ELAPOR2: variants seen among roughly 807,000 people sequenced by gnomAD.
ELAPOR2 encodes endosome-lysosome associated apoptosis and autophagy regulator family member 2.
Under a neutral mutation model 120.7 loss-of-function variants are expected in ELAPOR2, and 89 were observed. That is an observed-to-expected ratio of 0.74 (90% CI 0.62 to 0.88). The LOEUF is 0.88. Ranked by LOEUF, ELAPOR2 falls within the 40% of genes least tolerant of loss-of-function variation. ELAPOR2 has a pLI of 0.00. For missense variants in ELAPOR2, 1,134 were observed against 1,251.6 expected (o/e 0.91, Z 1.42); for synonymous variants, 444 against 444.9 (o/e 1.00, Z 0.03).
chr7:86,941,401 C>A (rs745614707), intron 5 of ELAPOR2: 8 of 525,028 alleles, frequency 1.5e-5, no homozygotes, highest in Admixed American at 1.2e-4. Flanking sequence ...AGGAAGCAGG[C>A]AGTTACTTTA....
chr7:86,937,348 G>A (rs1284572754), intron 8 of ELAPOR2, among the ~76,000 whole-genome samples: 1 of 152,042 alleles, frequency 6.6e-6, no homozygotes, highest in Non-Finnish European at 1.5e-5. Context: ...TAAATTCCCT[G>A]ACATCTATAT....
chr7:86,989,307 G>A (rs1792861556), intron 1 of ELAPOR2, among the ~76,000 whole-genome samples: 1 of 152,118 alleles, frequency 6.6e-6, no homozygotes, highest in African/African-American at 2.4e-5. Flanking sequence ...CAAAATACGT[G>A]CATATTTAGA....
intron 1 of ELAPOR2, among the ~76,000 whole-genome samples, chr7:87,046,716 G>A (rs1794968789): frequency 6.6e-6 from 1 of 152,150 alleles, no homozygotes; most frequent in Non-Finnish European, 1.5e-5. Context: ...TCTCTCTCCT[G>A]CTGCCTTGTG....
intron 1 of ELAPOR2, among the ~76,000 whole-genome samples, chr7:86,989,242 T>C (rs1171806086): frequency 6.6e-6 from 1 of 152,238 alleles, no homozygotes; most frequent in African/African-American, 2.4e-5. Flanking sequence ...AGGCTGTATG[T>C]GCTAGGCTCC....
chr7:86,936,813 G>A (rs1185146470), intron 8 of ELAPOR2, among the ~76,000 whole-genome samples: 1 of 151,974 alleles, frequency 6.6e-6, no homozygotes, highest in Non-Finnish European at 1.5e-5. Context: ...TATACTCATG[G>A]ATGTAATTAA....
intron 1 of ELAPOR2, among the ~76,000 whole-genome samples, chr7:86,985,283 T>C (rs571036482): frequency 5.3e-4 from 80 of 152,300 alleles, no homozygotes; most frequent in African/African-American, 1.9e-3. Context: ...GCTGGTGCCA[T>C]TCCTTCTGAA....
intron 1 of ELAPOR2, among the ~76,000 whole-genome samples, chr7:87,033,395 A>T (rs1261405228): frequency 6.6e-6 from 1 of 152,232 alleles, no homozygotes; most frequent in Non-Finnish European, 1.5e-5. Context: ...GAAACTAGAT[A>T]CACAATTAAT....
At chr7:87,026,181 G>A (rs1396470883) in intron 1 of ELAPOR2, among the ~76,000 whole-genome samples, 2 of 152,046 alleles carry the variant, frequency 1.3e-5, no homozygotes, top group Non-Finnish European at 2.9e-5. Context: ...TTTCATGGGT[G>A]CAGAGGAAGA....
chr7:87,051,351 A>C (rs1795096999), intron 1 of ELAPOR2, among the ~76,000 whole-genome samples: 2 of 152,194 alleles, frequency 1.3e-5, no homozygotes, highest in African/African-American at 4.8e-5. Context: ...ACAACGTATA[A>C]CTTTTATAGT....
chr7:86,939,692 C>A (rs556013068), intron 6 of ELAPOR2, among the ~76,000 whole-genome samples: 8 of 152,140 alleles, frequency 5.3e-5, no homozygotes, highest in Admixed American at 2.6e-4. Flanking sequence ...ATGTCTGGCA[C>A]AACAGACATT....
chr7:86,889,070 T>A (rs1468131402), intron 21 of ELAPOR2, among the ~76,000 whole-genome samples: 3 of 151,976 alleles, frequency 2.0e-5, no homozygotes, highest in African/African-American at 7.2e-5. Context: ...TTAGAAAAGG[T>A]GGTATAAAAT....
intron 10 of ELAPOR2, among the ~76,000 whole-genome samples, chr7:86,922,511 CTT>C (rs1789876773): frequency 6.6e-6 from 1 of 151,916 alleles, no homozygotes; most frequent in South Asian, 2.1e-4. Context: ...TTTCTTTTCA[CTT>C]TCTTTCAACG....
intron 18 of ELAPOR2, among the ~76,000 whole-genome samples, chr7:86,903,094 C>G (rs1788794946): frequency 6.6e-6 from 1 of 152,198 alleles, no homozygotes; most frequent in Non-Finnish European, 1.5e-5. Context: ...ACTAAATTAA[C>G]TGACATTCCT....
At position 86,880,392 on chromosome 7, in the gene ELAPOR2, G is replaced by C; in HGVS notation, c.*79C>G. 2 of 1,031,668 alleles carry C rather than the reference G, an allele frequency of 1.9e-6. No homozygotes were observed. Among genetic ancestry groups the C allele is most frequent in the South Asian group, 2.6e-5 (2 of 77,146 alleles). The allele number at this position is 1,031,668 out of a possible 1,614,324, so 63.9% of individuals were successfully genotyped here. On this transcript the variant is annotated 3_prime_UTR_variant, in exon 22 of 22. Coordinates refer to ENST00000450689, the MANE Select transcript of ELAPOR2 (RefSeq NM_001142749.3). ...AGATCACCAATGTGACAGGTATGAG[G>C]ACAGACCCTAAAATATGGTCCTGTA...
intron 19 of ELAPOR2, among the ~76,000 whole-genome samples, chr7:86,897,188 AT>A (rs1264081605): frequency 6.6e-6 from 1 of 152,048 alleles, no homozygotes; most frequent in East Asian, 1.9e-4. Context: ...CAGTTATATT[AT>A]CCCCATCTTA....
chr7:87,056,551 T>A (rs550687093), intron 1 of ELAPOR2, among the ~76,000 whole-genome samples: 1 of 152,262 alleles, frequency 6.6e-6, no homozygotes, highest in Non-Finnish European at 1.5e-5. Context: ...GCTTCCACAC[T>A]GCTGATCTGA....
rs1282642257 is a variant in ELAPOR2, at chr7:86,918,547, A to G, written c.1491-3T>C. 3 of 1,549,218 alleles carry G rather than the reference A, an allele frequency of 1.9e-6. No individual in the cohort carries two copies. The highest frequency in any genetic ancestry group is 2.7e-6 in the Non-Finnish European group (3 of 1,121,738). On this transcript the variant is annotated splice_polypyrimidine_tract_variant and splice_region_variant and intron_variant, in intron 11 of 21. Transcript: ENST00000450689. ...CTCCAGTCATAGATGTTGGTGGTCT[A>G]TTTGACAGATTAAAATGGCAATATT...
intron 1 of ELAPOR2, among the ~76,000 whole-genome samples, chr7:87,030,537 A>C (rs780714156): frequency 6.6e-6 from 1 of 152,218 alleles, no homozygotes; most frequent in Non-Finnish European, 1.5e-5. Context: ...GTTTGGCCTA[A>C]AGCTGCCACC....
intron 18 of ELAPOR2, among the ~76,000 whole-genome samples, chr7:86,901,557 CCAAAATAGAAAATA>C (rs1243660186): frequency 2.4e-4 from 36 of 152,000 alleles, no homozygotes; most frequent in African/African-American, 8.5e-4. Flanking sequence ...ATACGTTTTG[CCAAAATAGAAAATA>C]CAAAGGTTAA....
Sources: allele counts gnomAD v4.1 joint callset (sites outside exome capture counted in the v4.1 genomes callset), GRCh38; gene constraint gnomAD v4.1.1; transcripts MANE v1.5; gene names NCBI Gene and HGNC (gene_info 2026-07-23, HGNC 2026-07-21).